The following GPC6 variants were observed in gnomAD, a reference collection of about 807,000 sequenced individuals.
The protein encoded by GPC6 is glypican-6.
A neutral mutation model predicts 55.2 loss-of-function variants in GPC6; 14 were observed. The observed-to-expected ratio is 0.25, with a 90% CI of 0.17 to 0.40. The LOEUF is 0.40. Among genes scored for constraint, GPC6 ranks in the 10% least tolerant of loss-of-function variants. The pLI is 1.00. For missense variants in GPC6, 641 were observed against 708.5 expected, an observed-to-expected ratio of 0.90 and a Z score of 1.08; for synonymous variants, 278 against 259.6, an observed-to-expected ratio of 1.07 and a Z score of -0.68.
At chr13:93,666,576 A>G (rs1881145470) in intron 2 of GPC6, among the ~76,000 whole-genome samples, 1 of 152,222 alleles carries the variant, frequency 6.6e-6, no homozygotes, top group East Asian at 1.9e-4. Context: ...AATGGTATGT[A>G]TTGTAATAAT....
At chr13:94,007,042 A>G (rs982606189) in intron 3 of GPC6, among the ~76,000 whole-genome samples, 2 of 152,186 alleles carry the variant, frequency 1.3e-5, no homozygotes, top group African/African-American at 4.8e-5. Context: ...CGTAACTTAC[A>G]AACTAATTTT....
Position 93,933,478 on chromosome 13 carries a change from G to A in GPC6, c.712-94251G>A, listed in dbSNP as rs116957959. ...CTCTACTACTCATTAAAGTGGCCTC[G>A]GACAGGTCATGCCATCTCTCTGGGC... On this transcript the variant is annotated intron_variant, in intron 3 of 8. Coordinates refer to ENST00000377047, the MANE Select transcript of GPC6 (RefSeq NM_005708.5). 5.9e-5 allele frequency among the ~76,000 whole-genome samples: 9 copies of A among 152,116 alleles called. No individual in the cohort carries two copies. The East Asian group carries it at 7.7e-4, about 13-fold the overall frequency.
At chr13:93,401,267 A>C (rs1482978887) in intron 1 of GPC6, among the ~76,000 whole-genome samples, 1 of 151,778 alleles carries the variant, frequency 6.6e-6, no homozygotes, top group Non-Finnish European at 1.5e-5. Context: ...AAATGTATGC[A>C]AAGTTATTCA....
intron 4 of GPC6, among the ~76,000 whole-genome samples, chr13:94,268,305 C>T (rs1891878369): frequency 6.6e-6 from 1 of 152,172 alleles, no homozygotes; most frequent in Non-Finnish European, 1.5e-5. Context: ...GCAGCCAACA[C>T]ATTGAATATA....
intron 6 of GPC6, among the ~76,000 whole-genome samples, chr13:94,337,990 C>T (rs9516395): frequency 0.12 from 18,213 of 152,182 alleles, 1,166 homozygotes; most frequent in Middle Eastern, 0.15. Flanking sequence ...AAAGGCAATT[C>T]GCACACGTTA....
chr13:93,605,842 T>TAAAAA (rs1193693750), intron 2 of GPC6, among the ~76,000 whole-genome samples: 7 of 65,766 alleles, frequency 1.1e-4, no homozygotes, highest in African/African-American at 3.0e-4. Flanking sequence ...ACCGTCTCAA[T>TAAAAA]AAAAAAAAAA....
At chr13:93,316,966 C>T (rs1308962825) in intron 1 of GPC6, among the ~76,000 whole-genome samples, 1 of 152,040 alleles carries the variant, frequency 6.6e-6, no homozygotes, top group Non-Finnish European at 1.5e-5. Context: ...GAGGAGCAAG[C>T]TATGTTAGCA....
At chr13:93,793,799 G>A (rs1840754052) in intron 2 of GPC6, among the ~76,000 whole-genome samples, 1 of 152,044 alleles carries the variant, frequency 6.6e-6, no homozygotes, top group African/African-American at 2.4e-5. Flanking sequence ...AGTAAACTGA[G>A]CAAATAAACT....
chr13:93,257,437 T>C (rs1177460153), intron 1 of GPC6, among the ~76,000 whole-genome samples: 8 of 152,220 alleles, frequency 5.3e-5, no homozygotes, highest in Admixed American at 5.2e-4. Context: ...GGCCTTTCCA[T>C]ATAGTTGAAG....
Position 93,249,477 on chromosome 13 carries a change from C to T in GPC6, c.160+21861C>T, listed in dbSNP as rs575839491. 2.0e-5 allele frequency among the ~76,000 whole-genome samples: 3 copies of T among 152,238 alleles called. No individual in the cohort carries two copies. The South Asian group carries it at 6.2e-4, about 32-fold the overall frequency. On this transcript the variant is annotated intron_variant, in intron 1 of 8. Transcript: ENST00000377047. ...TGCCTTATAGGCAGCTATGGGCTTC[C>T]TGCATAGGGAACATGAAGGCCTTTA...
intron 1 of GPC6, among the ~76,000 whole-genome samples, chr13:93,294,601 C>T (rs938235639): frequency 1.3e-5 from 2 of 152,136 alleles, no homozygotes; most frequent in African/African-American, 4.8e-5. Flanking sequence ...AACAAAGAGG[C>T]ATTGCCTGTC....
chr13:93,895,272 AT>A (rs1875944509), intron 3 of GPC6, among the ~76,000 whole-genome samples: 1 of 138,702 alleles, frequency 7.2e-6, no homozygotes, highest in Admixed American at 7.3e-5. Flanking sequence ...ATATATATAT[AT>A]ATATGTAACT....
intron 7 of GPC6, among the ~76,000 whole-genome samples, chr13:94,388,931 A>G (rs1880528886): frequency 1.3e-5 from 2 of 152,204 alleles, no homozygotes; most frequent in African/African-American, 4.8e-5. Flanking sequence ...TTGTGTTCAG[A>G]ATCACATCCT....
At chr13:94,027,966 G>T in intron 4 of GPC6, 72 bp downstream of exon 4, 1 of 1,364,200 alleles carries the variant, frequency 7.3e-7, no homozygotes. Context: ...TTGATGGGTG[G>T]GTCAGAAGTT....
At chr13:93,896,419 T>C (rs552329060) in intron 3 of GPC6, among the ~76,000 whole-genome samples, 57 of 152,174 alleles carry the variant, frequency 3.7e-4, no homozygotes, top group African/African-American at 1.3e-3. Flanking sequence ...TCCAAAATTC[T>C]TTTAGATTCA....
At chr13:94,236,599 C>A (rs1327527896) in intron 4 of GPC6, among the ~76,000 whole-genome samples, 1 of 152,056 alleles carries the variant, frequency 6.6e-6, no homozygotes. Context: ...AGAATATAAA[C>A]CAAGGTGAGG....
intron 1 of GPC6, among the ~76,000 whole-genome samples, chr13:93,429,682 A>G (rs1877282816): frequency 6.6e-6 from 1 of 152,276 alleles, no homozygotes; most frequent in East Asian, 1.9e-4. Flanking sequence ...GAGAAAAAGG[A>G]CAAGCAACGA....
chr13:94,268,848 CAA>C (rs145223987), intron 4 of GPC6, among the ~76,000 whole-genome samples: 3,457 of 152,204 alleles, frequency 0.023, 133 homozygotes, highest in African/African-American at 0.078. Context: ...AACGTTGTGA[CAA>C]ATTCTGGAAG....
intron 7 of GPC6, among the ~76,000 whole-genome samples, chr13:94,395,901 C>A (rs890331137): frequency 1.3e-5 from 2 of 152,210 alleles, no homozygotes; most frequent in African/African-American, 2.4e-5. Flanking sequence ...CCAGGACCCT[C>A]TACAAGCTAT....
Sources: gnomAD v4.1 joint callset for allele counts (sites outside exome capture counted in the v4.1 genomes callset) on GRCh38, gnomAD v4.1.1 for gene constraint, MANE v1.5 for transcripts, NCBI Gene and HGNC (gene_info 2026-07-23, HGNC 2026-07-21) for gene names.